The following COX10 variants were observed in gnomAD, a reference collection of about 807,000 sequenced individuals.
COX10 encodes the protein cytochrome c oxidase assembly factor heme A:farnesyltransferase COX10.
Under a neutral mutation model 37.3 loss-of-function variants are expected in COX10, and 27 were observed. That is an observed-to-expected ratio of 0.72 (90% CI 0.53 to 1.00). The LOEUF is 1.00. Ranked by LOEUF, COX10 falls within the 50% of genes least tolerant of loss-of-function variation. The probability of loss-of-function intolerance (pLI) is 0.00; values close to 1 mark genes in which losing one functional copy is unlikely to be tolerated. For synonymous variants in COX10, 222 were observed against 229.1 expected (o/e 0.97, Z 0.28); for missense variants, 475 against 563.2 (o/e 0.84, Z 1.59).
chr17:14,073,532 A>T (rs1457238013), intron 1 of COX10, among the ~76,000 whole-genome samples: 1 of 152,226 alleles, frequency 6.6e-6, no homozygotes, highest in East Asian at 1.9e-4. Flanking sequence ...TGGTTTGAAG[A>T]TCAGAAATTA....
At chr17:14,114,088 T>C (rs886103665) in intron 4 of COX10, among the ~76,000 whole-genome samples, 2 of 152,186 alleles carry the variant, frequency 1.3e-5, no homozygotes, top group African/African-American at 4.8e-5. Flanking sequence ...ATTTACTTTT[T>C]GTGTCATTCC....
intron 3 of COX10, among the ~76,000 whole-genome samples, chr17:14,082,126 A>G (rs781408745): frequency 2.0e-5 from 3 of 152,210 alleles, no homozygotes; most frequent in South Asian, 2.1e-4. Context: ...CAGTGTGTAC[A>G]GTGACCATGC....
In COX10 at chr17:14,192,086, T is replaced by G. The variant is rs755431360; in HGVS notation, c.793T>G (p.Phe265Val). Residue 265 changes from phenylalanine to valine, a missense_variant, in exon 6 of 7, where the codon TTC becomes GTC. Around this residue, in one of 5 missense-constraint regions of COX10, gnomAD observed 54 missense variants for 70.6 expected, o/e 0.76. Coordinates refer to ENST00000261643, the MANE Select transcript of COX10 (RefSeq NM_001303.4). ...TCCACTCACAGGAGCCCTGGGGCTCTTCAACATTTTCCTGTATACCTGCTG... is the reference window on the plus strand; with the variant it reads ...TCCACTCACAGGAGCCCTGGGGCTCGTCAACATTTTCCTGTATACCTGCTG... ...VNPLTGALGL[F>V]NIFLYTCCYT... 15 of 1,614,230 alleles carry G rather than the reference T, an allele frequency of 9.3e-6. No individual in the cohort carries two copies. In the African/African-American group the frequency reaches 1.5e-4, roughly 16 times the overall value.
chr17:14,202,767 C>T (rs1235293578), intron 6 of COX10, among the ~76,000 whole-genome samples: 1 of 151,308 alleles, frequency 6.6e-6, no homozygotes, highest in Non-Finnish European at 1.5e-5. Context: ...CTGTTCCCCC[C>T]TGCGCTGGGG....
At chr17:14,070,804 C>A (rs1251963361) in intron 1 of COX10, among the ~76,000 whole-genome samples, 6 of 152,144 alleles carry the variant, frequency 3.9e-5, no homozygotes, top group Non-Finnish European at 7.3e-5. Flanking sequence ...GATTCCAGGG[C>A]AATTCATTTG....
At chr17:14,174,270 G>A (rs1225487139) in intron 5 of COX10, among the ~76,000 whole-genome samples, 2 of 151,888 alleles carry the variant, frequency 1.3e-5, no homozygotes, top group African/African-American at 4.8e-5. Flanking sequence ...GACCAGTCTG[G>A]GCAATATAGT....
intron 4 of COX10, among the ~76,000 whole-genome samples, chr17:14,119,843 A>G (rs1916193535): frequency 1.3e-5 from 2 of 152,174 alleles, no homozygotes; most frequent in South Asian, 2.1e-4. Context: ...ATTTTCTTTT[A>G]TTTTAGTTTT....
chr17:14,155,149 AT>A (rs1290884864), intron 4 of COX10, among the ~76,000 whole-genome samples: 1 of 152,148 alleles, frequency 6.6e-6, no homozygotes, highest in Non-Finnish European at 1.5e-5. Context: ...ATGGTGATGA[AT>A]TAGATATAGT....
At chr17:14,156,884 C>T (rs1905052096) in intron 4 of COX10, among the ~76,000 whole-genome samples, 1 of 152,184 alleles carries the variant, frequency 6.6e-6, no homozygotes, top group African/African-American at 2.4e-5. Context: ...TTGTCTCAGT[C>T]TTTCTAGTGG....
intron 5 of COX10, among the ~76,000 whole-genome samples, chr17:14,162,111 A>C (rs1174767699): frequency 6.6e-6 from 1 of 152,204 alleles, no homozygotes; most frequent in Non-Finnish European, 1.5e-5. Context: ...GTGAAAGATA[A>C]AAATTTTAAA....
chr17:14,182,547 A>T (rs184622212), intron 5 of COX10, among the ~76,000 whole-genome samples: 13 of 152,142 alleles, frequency 8.5e-5, no homozygotes, highest in African/African-American at 3.1e-4. Flanking sequence ...AAACTCCTAA[A>T]TAAGATTCTG....
At chr17:14,197,996 A>G (rs1243181619) in intron 6 of COX10, among the ~76,000 whole-genome samples, 1 of 152,000 alleles carries the variant, frequency 6.6e-6, no homozygotes, top group Admixed American at 6.6e-5. Flanking sequence ...ATTTTTTTTT[A>G]ATTCAGCCTA....
At chr17:14,180,475 C>T (rs1295191968) in intron 5 of COX10, among the ~76,000 whole-genome samples, 3 of 152,154 alleles carry the variant, frequency 2.0e-5, no homozygotes, top group Non-Finnish European at 4.4e-5. Context: ...AAGAGGAACG[C>T]TGCTGGGATT....
chr17:14,167,819 G>A (rs932669241), intron 5 of COX10, among the ~76,000 whole-genome samples: 8 of 152,148 alleles, frequency 5.3e-5, no homozygotes, highest in African/African-American at 1.7e-4. Flanking sequence ...TCCCTCCCTC[G>A]ACATATGAGA....
intron 4 of COX10, among the ~76,000 whole-genome samples, chr17:14,118,989 T>C (rs1399528371): frequency 6.6e-6 from 1 of 152,134 alleles, no homozygotes; most frequent in East Asian, 1.9e-4. Flanking sequence ...TCTAGTAGGA[T>C]TGTTTTTTTC....
chr17:14,094,346 A>T (rs181366559), intron 3 of COX10, among the ~76,000 whole-genome samples: 3 of 151,698 alleles, frequency 2.0e-5, no homozygotes, highest in East Asian at 3.9e-4. Flanking sequence ...AATAAAATTC[A>T]TGTATTCTTA....
intron 3 of COX10, among the ~76,000 whole-genome samples, chr17:14,091,919 G>C (rs1383580578): frequency 2.6e-5 from 4 of 151,980 alleles, no homozygotes; most frequent in Non-Finnish European, 5.9e-5. Context: ...ACTCAGTTTT[G>C]AAACTACATG....
intron 4 of COX10, among the ~76,000 whole-genome samples, chr17:14,153,157 T>C (rs975368655): frequency 2.6e-5 from 4 of 152,226 alleles, no homozygotes; most frequent in African/African-American, 9.6e-5. Context: ...CTTGTCAGCT[T>C]GGCAGTCAGA....
chr17:14,186,985 G>GTT (rs36094568), intron 5 of COX10, among the ~76,000 whole-genome samples: 6 of 148,822 alleles, frequency 4.0e-5, no homozygotes, highest in East Asian at 2.0e-4. Context: ...TTATTTTAAG[G>GTT]TTTTTTTTTT....
Sources: allele counts gnomAD v4.1 joint callset (sites outside exome capture counted in the v4.1 genomes callset), GRCh38; gene constraint gnomAD v4.1.1; regional missense constraint gnomAD v4.1.1; transcripts MANE v1.5; gene names NCBI Gene and HGNC (gene_info 2026-07-23, HGNC 2026-07-21).